Variants in RBFOX1 observed in about 807,000 individuals in gnomAD.
RBFOX1 encodes RNA binding fox-1 homolog 1.
RBFOX1 carries 8 observed loss-of-function variants against 57.7 expected under a neutral mutation model. That is an observed-to-expected ratio of 0.14 (90% confidence interval 0.08 to 0.25). RBFOX1 has a LOEUF of 0.25. Ranked by LOEUF, RBFOX1 falls within the 10% of genes least tolerant of loss-of-function variation. The pLI, the probability that RBFOX1 is intolerant of heterozygous loss-of-function variation, is 1.00. For synonymous variants in RBFOX1, 326 were observed against 222.4 expected (o/e 1.47, Z -4.15); for missense variants, 611 against 548.5 (o/e 1.11, Z -1.14).
chr16:7,069,180 AATTT>A (rs2056804939), intron 4 of RBFOX1, among the ~76,000 whole-genome samples: 2 of 151,950 alleles, frequency 1.3e-5, no homozygotes, highest in South Asian at 4.2e-4. Context: ...TTAATCCTTT[AATTT>A]ATTTATTTTT....
chr16:7,182,444 C>T (rs2082910145), intron 4 of RBFOX1, among the ~76,000 whole-genome samples: 1 of 152,182 alleles, frequency 6.6e-6, no homozygotes, highest in South Asian at 2.1e-4. Context: ...TTCTTAGCAG[C>T]AGCAGCAGCT....
At chr16:5,573,134 C>T (rs577597343) in intron 2 of RBFOX1, among the ~76,000 whole-genome samples, 74 of 152,226 alleles carry the variant, frequency 4.9e-4, no homozygotes, top group Non-Finnish European at 9.4e-4. Flanking sequence ...GGTTCTGGTT[C>T]TGTTATGAAA....
intron 3 of RBFOX1, among the ~76,000 whole-genome samples, chr16:6,888,364 G>C (rs150908830): frequency 1.6e-4 from 24 of 152,080 alleles, no homozygotes; most frequent in African/African-American, 5.8e-4. Context: ...AAACTTTTTC[G>C]TTTTTTTGTG....
At chr16:7,391,815 A>C (rs1253388075) in intron 4 of RBFOX1, among the ~76,000 whole-genome samples, 1 of 147,410 alleles carries the variant, frequency 6.8e-6, no homozygotes, top group Middle Eastern at 3.2e-3. Flanking sequence ...TGGATGGAGA[A>C]ATGAATGAAT....
At chr16:6,597,183 C>T (rs770595059) in intron 2 of RBFOX1, among the ~76,000 whole-genome samples, 7 of 152,110 alleles carry the variant, frequency 4.6e-5, no homozygotes, top group South Asian at 4.1e-4. Flanking sequence ...TTACTAAGGA[C>T]GATTCTCTAA....
intron 1 of RBFOX1, among the ~76,000 whole-genome samples, chr16:6,300,807 A>G (rs979380617): frequency 1.1e-4 from 17 of 152,190 alleles, no homozygotes; most frequent in Non-Finnish European, 1.5e-5. Flanking sequence ...CTCCCAAGTC[A>G]GGATACATTG....
At chr16:7,535,953 C>T (rs1244432660) in intron 5 of RBFOX1, among the ~76,000 whole-genome samples, 1 of 152,144 alleles carries the variant, frequency 6.6e-6, no homozygotes, top group African/African-American at 2.4e-5. Flanking sequence ...CAGAACTGGG[C>T]CTTGGAGATA....
intron 2 of RBFOX1, among the ~76,000 whole-genome samples, chr16:6,505,373 T>C (rs1006614842): frequency 2.0e-5 from 3 of 152,186 alleles, no homozygotes. Flanking sequence ...TTAGTAAAAA[T>C]GGCATTTGGG....
At chr16:6,553,817 C>T (rs2097040239) in intron 2 of RBFOX1, among the ~76,000 whole-genome samples, 1 of 152,182 alleles carries the variant, frequency 6.6e-6, no homozygotes, top group African/African-American at 2.4e-5. Flanking sequence ...ATGGAGACAG[C>T]AACCCGTGGA....
At chr16:6,340,867 G>C (rs2084465411) in intron 2 of RBFOX1, among the ~76,000 whole-genome samples, 1 of 152,144 alleles carries the variant, frequency 6.6e-6, no homozygotes, top group African/African-American at 2.4e-5. Flanking sequence ...TTTGACACAA[G>C]AGTGAGCCAG....
intron 3 of RBFOX1, among the ~76,000 whole-genome samples, chr16:6,953,021 C>A (rs2081075200): frequency 6.6e-6 from 1 of 152,076 alleles, no homozygotes; most frequent in South Asian, 2.1e-4. Context: ...CTTTACCTCA[C>A]CTGGCAATGT....
intron 2 of RBFOX1, among the ~76,000 whole-genome samples, chr16:6,635,086 TCA>T (rs1221606519): frequency 1.9e-5 from 1 of 52,926 alleles, no homozygotes; most frequent in Admixed American, 3.2e-4. Context: ...AATTTATATA[TCA>T]TATATATTAT....
chr16:7,480,083 G>A (rs11645541), intron 4 of RBFOX1, among the ~76,000 whole-genome samples: 60,827 of 152,020 alleles, frequency 0.4, 12,769 homozygotes, highest in Middle Eastern at 0.49. Flanking sequence ...TATGTGAGCT[G>A]TTGATTATCA....
chr16:5,413,162 A>G (rs1160197092), intron 1 of RBFOX1, among the ~76,000 whole-genome samples: 1 of 152,206 alleles, frequency 6.6e-6, no homozygotes, highest in Admixed American at 6.5e-5. Context: ...TGCAGCTGCC[A>G]AATTGCTTCA....
chr16:5,664,856 C>T (rs983098477), intron 3 of RBFOX1, among the ~76,000 whole-genome samples: 14 of 152,294 alleles, frequency 9.2e-5, no homozygotes, highest in African/African-American at 3.1e-4. Context: ...ATACACATGG[C>T]CTTGATCCTG....
intron 3 of RBFOX1, among the ~76,000 whole-genome samples, chr16:6,776,434 C>CAAA (rs1340037001): frequency 1.1e-3 from 33 of 29,018 alleles, no homozygotes; most frequent in African/African-American, 2.3e-3. Flanking sequence ...AAACAAAAAA[C>CAAA]AAACAAACAA....
At chr16:7,433,776 A>G (rs920511810) in intron 4 of RBFOX1, among the ~76,000 whole-genome samples, 1 of 152,138 alleles carries the variant, frequency 6.6e-6, no homozygotes, top group East Asian at 1.9e-4. Context: ...CTAACTATCC[A>G]TCCAGCCAGC....
At chr16:6,107,219 A>T (rs778563255) in intron 1 of RBFOX1, among the ~76,000 whole-genome samples, 1 of 152,006 alleles carries the variant, frequency 6.6e-6, no homozygotes, top group South Asian at 2.1e-4. Flanking sequence ...CTCTTTGCTT[A>T]TCATGGCCTG....
chr16:6,598,219 C>G (rs189734822), intron 2 of RBFOX1, among the ~76,000 whole-genome samples: 1 of 152,308 alleles, frequency 6.6e-6, no homozygotes, highest in East Asian at 1.9e-4. Context: ...TGATCAGACA[C>G]TATATAGTTT....
Sources: allele counts gnomAD v4.1 joint callset (sites outside exome capture counted in the v4.1 genomes callset), GRCh38; gene constraint gnomAD v4.1.1; transcripts MANE v1.5; gene names NCBI Gene and HGNC (gene_info 2026-07-23, HGNC 2026-07-21).